Variants in PPP2R1B observed in about 807,000 individuals in gnomAD.
The protein encoded by PPP2R1B is serine/threonine-protein phosphatase 2A 65 kDa regulatory subunit A beta isoform.
Under a neutral mutation model 72.7 loss-of-function variants are expected in PPP2R1B, and 58 were observed. The ratio of observed to expected loss-of-function variants is 0.80; its 90% CI spans 0.65 to 0.99. The LOEUF (loss-of-function observed/expected upper bound fraction) is 0.99. PPP2R1B is among the 50% of genes least tolerant of loss of function. PPP2R1B has a pLI of 0.00. For missense variants in PPP2R1B, 695 were observed against 733.6 expected, an observed-to-expected ratio of 0.95 and a Z score of 0.61; for synonymous variants, 256 against 264.6, an observed-to-expected ratio of 0.97 and a Z score of 0.32.
At chr11:111,707,148 T>C in the PPP2R1B span, among the ~76,000 whole-genome samples, 1 of 152,156 alleles carries the variant, frequency 6.6e-6, no homozygotes, top group African/African-American at 2.4e-5. Context: ...AACTCTTTCC[T>C]TCTTGCAAAT....
intron 12 of PPP2R1B, 31 bp downstream of exon 12, chr11:111,743,345 A>T: frequency 6.4e-7 from 1 of 1,570,400 alleles, no homozygotes; most frequent in Non-Finnish European, 8.7e-7. Context: ...TTAATGATTA[A>T]GCTTAGCAAT....
the PPP2R1B span, chr11:111,701,627 G>C: frequency 6.3e-7 from 1 of 1,584,688 alleles, no homozygotes; most frequent in Non-Finnish European, 8.6e-7. This position sits in a 1 kb window ranked among gnomAD's most constrained non-coding sequence, Gnocchi z 4.2. Context: ...AGTGCTCCAA[G>C]TGAAATGCCT....
At chr11:111,758,197 CT>C (rs1945194270) in intron 5 of PPP2R1B, among the ~76,000 whole-genome samples, 1 of 152,066 alleles carries the variant, frequency 6.6e-6, no homozygotes, top group Admixed American at 6.5e-5. Context: ...TTTCTTTTTT[CT>C]TATAAAAACA....
the PPP2R1B span, among the ~76,000 whole-genome samples, chr11:111,713,968 A>G: frequency 4.0e-5 from 6 of 151,624 alleles, no homozygotes; most frequent in Non-Finnish European, 5.9e-5. Context: ...CTGCATCTCA[A>G]AAAAAAAATA....
chr11:111,723,200 C>T (rs1193145901), downstream of PPP2R1B, among the ~76,000 whole-genome samples: 1 of 152,186 alleles, frequency 6.6e-6, no homozygotes. Context: ...GATTATCTCC[C>T]CTTCTAGCCT....
At chr11:111,751,069 C>T (rs1306475804) in intron 10 of PPP2R1B, among the ~76,000 whole-genome samples, 1 of 152,142 alleles carries the variant, frequency 6.6e-6, no homozygotes. Context: ...GAACTCCTAG[C>T]CTCAAGTGAT....
chr11:111,745,693 TAATA>T (rs1944682074), intron 11 of PPP2R1B, among the ~76,000 whole-genome samples: 1 of 152,190 alleles, frequency 6.6e-6, no homozygotes, highest in Non-Finnish European at 1.5e-5. Context: ...CTTTCTCCTA[TAATA>T]AATAAATAAA....
chr11:111,707,104 G>A, the PPP2R1B span, among the ~76,000 whole-genome samples: 1 of 152,118 alleles, frequency 6.6e-6, no homozygotes, highest in South Asian at 2.1e-4. Context: ...CGAGAAAGAA[G>A]GAGATAAAAT....
At chr11:111,709,321 C>T in the PPP2R1B span, among the ~76,000 whole-genome samples, 85 of 152,194 alleles carry the variant, frequency 5.6e-4, no homozygotes, top group Non-Finnish European at 1.1e-3. Flanking sequence ...CCTTAATTAC[C>T]TTCTTCAAGG....
chr11:111,693,275 A>G, the PPP2R1B span, among the ~76,000 whole-genome samples: 1 of 151,702 alleles, frequency 6.6e-6, no homozygotes, highest in African/African-American at 2.4e-5. Flanking sequence ...CAGAGGTTGC[A>G]GTGAGCCGAG....
chr11:111,711,285 A>AT, the PPP2R1B span, among the ~76,000 whole-genome samples: 168 of 150,884 alleles, frequency 1.1e-3, 1 homozygote, highest in East Asian at 0.026. Flanking sequence ...CACCCAGCTA[A>AT]TTTTTTTTTG....
chr11:111,750,230 G>C (rs1555047473), intron 10 of PPP2R1B, among the ~76,000 whole-genome samples: 1 of 152,158 alleles, frequency 6.6e-6, no homozygotes, highest in East Asian at 1.9e-4. Flanking sequence ...AGGGGTTCAA[G>C]ACAAGAAAAA....
chr11:111,736,425 A>C (rs960368256), downstream of PPP2R1B, among the ~76,000 whole-genome samples: 12 of 152,198 alleles, frequency 7.9e-5, no homozygotes, highest in African/African-American at 2.9e-4. Context: ...GGCCTAAAAA[A>C]TGTGTAACTG....
At position 111,759,964 on chromosome 11, in the gene PPP2R1B, A is replaced by T. The variant is rs1302804458; in HGVS notation, c.540-13T>A. 1.9e-6 allele frequency: 3 copies of T among 1,611,796 alleles called. No individual in the cohort carries two copies. The highest frequency in any genetic ancestry group is 2.5e-6 in the Non-Finnish European group (3 of 1,178,478). On this transcript the variant is annotated splice_polypyrimidine_tract_variant and intron_variant, in intron 4 of 14. Coordinates refer to ENST00000527614, the MANE Select transcript of PPP2R1B (RefSeq NM_002716.5). ...GGAACGGAATTGCCTGCAACATAAAACAATGAAGGTATTTCCCATCAAATA... is the reference window on the plus strand; with the variant it reads ...GGAACGGAATTGCCTGCAACATAAATCAATGAAGGTATTTCCCATCAAATA...
the PPP2R1B span, among the ~76,000 whole-genome samples, chr11:111,721,256 G>A: frequency 6.6e-6 from 1 of 152,174 alleles, no homozygotes; most frequent in Non-Finnish European, 1.5e-5. Context: ...CTGCTTCCAA[G>A]TGATCAATAC....
downstream of PPP2R1B, chr11:111,723,814 G>T: frequency 3.7e-6 from 6 of 1,612,668 alleles, no homozygotes; most frequent in Non-Finnish European, 5.1e-6. Context: ...AGCAGCAGCA[G>T]CCGCCACCGC....
At chr11:111,703,616 C>T in the PPP2R1B span, among the ~76,000 whole-genome samples, 1 of 152,198 alleles carries the variant, frequency 6.6e-6, no homozygotes, top group African/African-American at 2.4e-5. Context: ...TCTTTGCCCC[C>T]ATCTGCCAAA....
At chr11:111,701,645 A>C in the PPP2R1B span, 1 of 1,543,690 alleles carries the variant, frequency 6.5e-7, no homozygotes, top group Non-Finnish European at 8.8e-7. The surrounding 1 kb of genome is among the most constrained non-coding windows in gnomAD (Gnocchi z 4.2). Flanking sequence ...CCTAGGTAAA[A>C]GCTTCTTTTT....
At chr11:111,708,787 A>G in the PPP2R1B span, among the ~76,000 whole-genome samples, 1 of 151,940 alleles carries the variant, frequency 6.6e-6, no homozygotes, top group Admixed American at 6.6e-5. Context: ...AGGGTCTTGC[A>G]ATGTTGCCTA....
Sources: gnomAD v4.1 joint callset for allele counts (sites outside exome capture counted in the v4.1 genomes callset) on GRCh38, gnomAD v4.1.1 for gene constraint, Gnocchi (gnomAD v3.1) non-coding constraint, MANE v1.5 for transcripts, NCBI Gene and HGNC (gene_info 2026-07-23, HGNC 2026-07-21) for gene names.